Variants in NEK11 observed in about 807,000 individuals in gnomAD.
The protein encoded by NEK11 is NIMA related kinase 11.
NEK11 carries 72 observed loss-of-function variants against 80.7 expected under a neutral mutation model. The observed-to-expected ratio is 0.89, with a 90% CI of 0.74 to 1.08. The LOEUF is 1.08. Ranked by LOEUF, NEK11 falls within the 50% of genes least tolerant of loss-of-function variation. NEK11 has a pLI of 0.00. For missense variants in NEK11, 764 were observed against 763.6 expected, an observed-to-expected ratio of 1.00 and a Z score of -0.01; for synonymous variants, 251 against 260.7, an observed-to-expected ratio of 0.96 and a Z score of 0.36.
At chr3:131,160,634 C>G (rs529631900) in intron 10 of NEK11, among the ~76,000 whole-genome samples, 9 of 152,144 alleles carry the variant, frequency 5.9e-5, no homozygotes, top group Admixed American at 5.2e-4. Flanking sequence ...GGCACAGTGT[C>G]GAGTTGGATA....
chr3:131,142,485 G>A (rs1271546062), intron 7 of NEK11, among the ~76,000 whole-genome samples: 1 of 151,178 alleles, frequency 6.6e-6, no homozygotes, highest in African/African-American at 2.4e-5. Flanking sequence ...TTGGAACACA[G>A]CCATTCAGTC....
intron 14 of NEK11, among the ~76,000 whole-genome samples, chr3:131,191,533 A>G (rs991905494): frequency 2.0e-5 from 3 of 152,166 alleles, no homozygotes; most frequent in African/African-American, 7.2e-5. Context: ...GTAATCCAGG[A>G]TGATCTCCCT....
intron 5 of NEK11, among the ~76,000 whole-genome samples, chr3:131,117,374 T>TTCAAA (rs2081440420): frequency 1.3e-5 from 2 of 152,250 alleles, no homozygotes; most frequent in African/African-American, 4.8e-5. Flanking sequence ...TTTTGGTTAC[T>TTCAAA]GTAGCCTTGT....
At chr3:131,347,961 C>G (rs573709893) in intron 17 of NEK11, among the ~76,000 whole-genome samples, 198 of 151,864 alleles carry the variant, frequency 1.3e-3, no homozygotes, top group Non-Finnish European at 2.0e-3. Context: ...TTTACCAAAT[C>G]CATTGAAATG....
chr3:131,070,959 C>A (rs928006937), intron 3 of NEK11, among the ~76,000 whole-genome samples: 1 of 152,108 alleles, frequency 6.6e-6, no homozygotes, highest in African/African-American at 2.4e-5. Flanking sequence ...CTTTAAAATT[C>A]TACAAAAACA....
intron 16 of NEK11, among the ~76,000 whole-genome samples, chr3:131,265,428 G>A (rs936751987): frequency 6.6e-6 from 1 of 152,060 alleles, no homozygotes; most frequent in Non-Finnish European, 1.5e-5. Context: ...GCATGAAGGG[G>A]TGTTGAATTT....
chr3:131,044,989 C>T (rs1024105056), intron 3 of NEK11, among the ~76,000 whole-genome samples: 2 of 152,092 alleles, frequency 1.3e-5, no homozygotes, highest in Admixed American at 6.5e-5. Context: ...TGCCCAATTA[C>T]GTGGAAACTG....
Position 131,069,721 on chromosome 3 carries a change from G to A in NEK11, c.171-10702G>A, listed in dbSNP as rs566480966. ...AAATCATCATTCTCAGTAAACTATCGCAAGAACAAAAAACTAAACACCGCA... is the reference window on the plus strand; with the variant it reads ...AAATCATCATTCTCAGTAAACTATCACAAGAACAAAAAACTAAACACCGCA... On this transcript the variant is annotated intron_variant, in intron 3 of 17. Transcript: ENST00000383366. Among the ~76,000 whole-genome samples, 7 of 151,096 alleles carry A rather than the reference G, an allele frequency of 4.6e-5. No individual in the cohort carries two copies. The South Asian group carries it at 8.4e-4, about 18-fold the overall frequency.
At chr3:131,156,610 G>A (rs2090681789) in intron 10 of NEK11, among the ~76,000 whole-genome samples, 1 of 152,028 alleles carries the variant, frequency 6.6e-6, no homozygotes, top group African/African-American at 2.4e-5. Flanking sequence ...TTTTTGCTGA[G>A]GTATGGTGTA....
At chr3:131,102,961 TA>T in intron 4 of NEK11, among the ~76,000 whole-genome samples, 1 of 152,378 alleles carries the variant, frequency 6.6e-6, no homozygotes, top group Admixed American at 6.5e-5. Flanking sequence ...ATCCTTCTGT[TA>T]ATACTTTTGA....
chr3:131,262,549 G>A (rs2095947282), intron 16 of NEK11, among the ~76,000 whole-genome samples: 1 of 152,156 alleles, frequency 6.6e-6, no homozygotes, highest in South Asian at 2.1e-4. Context: ...GCTATAACCT[G>A]TAGTACAATG....
At chr3:131,299,800 A>G (rs1390407992) in intron 17 of NEK11, among the ~76,000 whole-genome samples, 3 of 152,060 alleles carry the variant, frequency 2.0e-5, no homozygotes, top group Non-Finnish European at 2.9e-5. Flanking sequence ...GGTTGATTCT[A>G]TGTCTTTGCT....
At chr3:131,165,177 C>A in intron 11 of NEK11, 1 of 403,076 alleles carries the variant, frequency 2.5e-6, no homozygotes, top group Admixed American at 4.0e-5. Context: ...GAGAGGAGCA[C>A]TGCCTTCTCC....
intron 16 of NEK11, among the ~76,000 whole-genome samples, chr3:131,263,420 G>T (rs922466694): frequency 6.6e-6 from 1 of 152,104 alleles, no homozygotes; most frequent in Non-Finnish European, 1.5e-5. Flanking sequence ...TGTTCCATTG[G>T]TCTATATATC....
At chr3:131,265,205 T>C (rs57906237) in intron 16 of NEK11, among the ~76,000 whole-genome samples, 4,421 of 152,282 alleles carry the variant, frequency 0.029, 187 homozygotes, top group African/African-American at 0.091. Flanking sequence ...ATACCCTGTA[T>C]TTCTTTCTCT....
At chr3:131,055,339 A>G (rs1334808496) in intron 3 of NEK11, among the ~76,000 whole-genome samples, 1 of 152,244 alleles carries the variant, frequency 6.6e-6, no homozygotes, top group African/African-American at 2.4e-5. Context: ...TGAACAAAAC[A>G]AAGTCTCTGT....
intron 3 of NEK11, among the ~76,000 whole-genome samples, chr3:131,041,731 G>C (rs1043067503): frequency 6.6e-6 from 1 of 152,110 alleles, no homozygotes; most frequent in Non-Finnish European, 1.5e-5. Context: ...ACTATACTTG[G>C]ACATGAACTC....
At chr3:131,247,820 G>T (rs370057385) in intron 16 of NEK11, among the ~76,000 whole-genome samples, 1 of 140,344 alleles carries the variant, frequency 7.1e-6, no homozygotes, top group South Asian at 2.4e-4. Flanking sequence ...TCACTTATTT[G>T]GTTAAATGTA....
At chr3:131,292,847 G>A (rs1447522636) in intron 17 of NEK11, among the ~76,000 whole-genome samples, 2 of 151,994 alleles carry the variant, frequency 1.3e-5, no homozygotes, top group African/African-American at 2.4e-5. Flanking sequence ...TTTTGGGGGG[G>A]TGCTGATGTA....
Sources: gnomAD v4.1 joint callset for allele counts (sites outside exome capture counted in the v4.1 genomes callset) on GRCh38, gnomAD v4.1.1 for gene constraint, MANE v1.5 for transcripts, NCBI Gene and HGNC (gene_info 2026-07-23, HGNC 2026-07-21) for gene names.